AAK1: variants seen among roughly 807,000 people sequenced by gnomAD.
AAK1 encodes AP2-associated protein kinase 1.
In AAK1, 37 loss-of-function variants were observed where a neutral mutation model predicts 116.0. The ratio of observed to expected loss-of-function variants is 0.32; its 90% CI spans 0.25 to 0.42. The LOEUF (loss-of-function observed/expected upper bound fraction) is 0.42. Ranked by LOEUF, AAK1 falls within the 10% of genes least tolerant of loss-of-function variation. The pLI, the probability that AAK1 is intolerant of heterozygous loss-of-function variation, is 1.00. For missense variants in AAK1, 919 were observed against 1,170.6 expected, an observed-to-expected ratio of 0.79 and a Z score of 3.14; for synonymous variants, 458 against 439.9, an observed-to-expected ratio of 1.04 and a Z score of -0.51.
At chr2:69,608,777 T>C (rs891538028) in intron 2 of AAK1, among the ~76,000 whole-genome samples, 1 of 152,140 alleles carries the variant, frequency 6.6e-6, no homozygotes, top group African/African-American at 2.4e-5. Context: ...TTAGAAATAA[T>C]AAATTCAGCA....
chr2:69,504,347 G>A (rs528675951), intron 16 of AAK1, among the ~76,000 whole-genome samples: 46 of 141,376 alleles, frequency 3.3e-4, no homozygotes, highest in South Asian at 1.1e-3. Context: ...GCAGTGAGCC[G>A]AGACTGTGCC....
chr2:69,518,855 A>T, intron 12 of AAK1, 99 bp downstream of exon 12: 1 of 1,434,694 alleles, frequency 7.0e-7, no homozygotes, highest in Non-Finnish European at 9.2e-7. Flanking sequence ...ACAGTGATGT[A>T]ATGTTTAATG....
rs1383422941 is a variant in AAK1 at position 69,463,231 on chromosome 2, G to A, written c.*12638C>T. 1 of 152,180 alleles carries A rather than the reference G, an allele frequency of 6.6e-6. No individual in the cohort carries two copies. Among genetic ancestry groups the A allele is most frequent in the Non-Finnish European group, 1.5e-5 (1 of 68,042 alleles). The allele number at this position is 152,180 out of a possible 1,614,324, so 9.4% of individuals were successfully genotyped here. ...GCTCTCCAAACTTCTACAGCTAATG[G>A]AAAAATCACTTAACCTTTACTAGAA... On this transcript the variant is annotated 3_prime_UTR_variant, in exon 22 of 22. Coordinates refer to ENST00000409085, the MANE Select transcript of AAK1 (RefSeq NM_014911.5).
In AAK1 at chr2:69,475,110, A is replaced by G. The variant is rs1674804994; in HGVS notation, c.*759T>C. On this transcript the variant is annotated 3_prime_UTR_variant, in exon 22 of 22. Transcript: ENST00000409085. ...GCAATACTTGGGATTTATATAACGT[A>G]CACATTGTATCCAAGGATCTCAAAT... 9.1e-6 allele frequency: 9 copies of G among 985,660 alleles called. No individual in the cohort carries two copies. Among genetic ancestry groups the G allele is most frequent in the Non-Finnish European group, 9.6e-6 (8 of 829,914 alleles). 61.1% of individuals were successfully genotyped at this position (985,660 alleles called of 1,614,324 possible). A position where few individuals can be genotyped will look rare whatever the true frequency, so the allele number is the denominator to read the frequency against.
rs978925410 is a variant in AAK1 at position 69,461,573 on chromosome 2, A to G, written c.*14296T>C. On this transcript the variant is annotated 3_prime_UTR_variant, in exon 22 of 22. Transcript: ENST00000409085. ...TTCAAAGAAGGTATGTAGAGTCTCCACCCATCATGTCTCCAGTGACAATTT... is the reference window on the plus strand; with the variant it reads ...TTCAAAGAAGGTATGTAGAGTCTCCGCCCATCATGTCTCCAGTGACAATTT... 2.5e-6 allele frequency: 1 copy of G among 408,086 alleles called. No homozygotes were observed. The highest frequency in any genetic ancestry group is 2.8e-5 in the Admixed American group (1 of 35,610). The allele number at this position is 408,086 out of a possible 1,614,324, so 25.3% of individuals were successfully genotyped here. A position where few individuals can be genotyped will look rare whatever the true frequency, so the allele number is the denominator to read the frequency against.
chr2:69,501,965 C>T (rs1041690104), intron 16 of AAK1, among the ~76,000 whole-genome samples: 1 of 151,824 alleles, frequency 6.6e-6, no homozygotes, highest in African/African-American at 2.4e-5. Flanking sequence ...AGCGAGACAC[C>T]ATCTCACACA....
At chr2:69,596,059 T>TAC (rs1242797478) in intron 2 of AAK1, among the ~76,000 whole-genome samples, 1 of 152,186 alleles carries the variant, frequency 6.6e-6, no homozygotes, top group Admixed American at 6.5e-5. Context: ...ACTGCAGACT[T>TAC]ACTACTCAGG....
At chr2:69,561,894 C>T (rs1425520820) in intron 2 of AAK1, among the ~76,000 whole-genome samples, 1 of 152,238 alleles carries the variant, frequency 6.6e-6, no homozygotes, top group Non-Finnish European at 1.5e-5. Context: ...TTCTGAGATT[C>T]ATCTTCATCG....
intron 2 of AAK1, among the ~76,000 whole-genome samples, chr2:69,562,662 C>A (rs1011901223): frequency 6.6e-6 from 1 of 152,112 alleles, no homozygotes; most frequent in African/African-American, 2.4e-5. Context: ...GAGGTCGAGG[C>A]GGGCAGATCA....
chr2:69,556,397 C>T (rs989771253), intron 3 of AAK1, among the ~76,000 whole-genome samples: 1 of 152,042 alleles, frequency 6.6e-6, no homozygotes, highest in African/African-American at 2.4e-5. Flanking sequence ...GGAAAGCATT[C>T]CAGGTCGAAA....
chr2:69,486,634 G>C (rs1336289957), intron 17 of AAK1, among the ~76,000 whole-genome samples: 1 of 152,108 alleles, frequency 6.6e-6, no homozygotes, highest in African/African-American at 2.4e-5. Context: ...TGGCCTCCAG[G>C]TGCCATCACA....
intron 3 of AAK1, among the ~76,000 whole-genome samples, chr2:69,556,504 G>A (rs923433862): frequency 3.3e-5 from 5 of 152,166 alleles, no homozygotes; most frequent in Non-Finnish European, 7.4e-5. Context: ...TGGTAACAGA[G>A]AGAGAGAGAG....
intron 2 of AAK1, among the ~76,000 whole-genome samples, chr2:69,572,184 T>C (rs1357934218): frequency 6.6e-6 from 1 of 152,162 alleles, no homozygotes; most frequent in Non-Finnish European, 1.5e-5. Flanking sequence ...AGTGAGGCAC[T>C]TGCCCTGAGC....
intron 2 of AAK1, among the ~76,000 whole-genome samples, chr2:69,587,475 A>ATT (rs1398056257): frequency 0.017 from 2,503 of 143,422 alleles, 74 homozygotes; most frequent in African/African-American, 0.064. Context: ...ATATATATAT[A>ATT]TATTTTTTTG....
Position 69,464,839 on chromosome 2 carries a change from G to T in AAK1, c.*11030C>A, listed in dbSNP as rs2104857899. 1 of 153,326 alleles carries T rather than the reference G, an allele frequency of 6.5e-6. No homozygotes were observed. The highest frequency in any genetic ancestry group is 2.4e-5 in the African/African-American group (1 of 41,576). 9.5% of individuals were successfully genotyped at this position (153,326 alleles called of 1,614,324 possible). The stretch of plus-strand genomic sequence containing the variant: ...CCAGCCTGGCTTGCACACAGACTGA[G>T]AATCAGATCTGGAGACTCCTAGAGC... On this transcript the variant is annotated 3_prime_UTR_variant, in exon 22 of 22. Coordinates refer to ENST00000409085, the MANE Select transcript of AAK1 (RefSeq NM_014911.5).
chr2:69,597,234 A>G (rs1673340928), intron 2 of AAK1: 1 of 152,172 alleles, frequency 6.6e-6, no homozygotes, highest in South Asian at 2.1e-4. Flanking sequence ...AACTACATAC[A>G]GCTAAATGTT....
intron 17 of AAK1, among the ~76,000 whole-genome samples, chr2:69,485,561 G>C (rs1029155399): frequency 1.3e-5 from 2 of 151,994 alleles, no homozygotes; most frequent in Non-Finnish European, 2.9e-5. Context: ...ACGAACCTTT[G>C]TATCCCAGTT....
rs1674764790 is a variant in AAK1, at chr2:69,474,016, T to C, written c.*1853A>G. 1.0e-6 allele frequency: 1 copy of C among 985,832 alleles called. No homozygotes were observed. The highest frequency in any genetic ancestry group is 1.2e-6 in the Non-Finnish European group (1 of 829,922). The allele number at this position is 985,832 out of a possible 1,614,324, so 61.1% of individuals were successfully genotyped here. A position where few individuals can be genotyped will look rare whatever the true frequency, so the allele number is the denominator to read the frequency against. On this transcript the variant is annotated 3_prime_UTR_variant, in exon 22 of 22. Transcript: ENST00000409085. ...GGTCTGTTATTCAACTAGAGGCCTT[T>C]ACCTAGCTCATCTTGTTTCAGCCAG...
chr2:69,525,236 C>A, intron 9 of AAK1, 124 bp from the exon 10 acceptor site: 2 of 874,026 alleles, frequency 2.3e-6, no homozygotes, highest in Non-Finnish European at 1.8e-6. Context: ...TCTGGAGCAG[C>A]TTCCAGGCCC....
Sources: allele counts gnomAD v4.1 joint callset (sites outside exome capture counted in the v4.1 genomes callset), GRCh38; gene constraint gnomAD v4.1.1; transcripts MANE v1.5; gene names NCBI Gene and HGNC (gene_info 2026-07-23, HGNC 2026-07-21).